The following GALNT13 variants were observed in gnomAD, a reference collection of about 807,000 sequenced individuals.
GALNT13 encodes UDP-GalNAc:polypeptide N-acetylgalactosaminyltransferase 13.
In GALNT13, 28 loss-of-function variants were observed where a neutral mutation model predicts 64.2. The observed-to-expected ratio is 0.44, with a 90% CI of 0.32 to 0.60. The LOEUF (loss-of-function observed/expected upper bound fraction) is 0.60. GALNT13 is among the 20% of genes least tolerant of loss of function. The pLI is 0.05. For missense variants in GALNT13, 577 were observed against 669.8 expected, an observed-to-expected ratio of 0.86 and a Z score of 1.53; for synonymous variants, 214 against 224.6, an observed-to-expected ratio of 0.95 and a Z score of 0.42.
intron 4 of GALNT13, among the ~76,000 whole-genome samples, chr2:154,152,490 T>A (rs1343628573): frequency 1.3e-5 from 2 of 152,196 alleles, no homozygotes. Flanking sequence ...CTTGCTAGAT[T>A]GGGGAAGTTC....
At chr2:153,940,078 T>C (rs1192097863) in intron 2 of GALNT13, among the ~76,000 whole-genome samples, 5 of 150,306 alleles carry the variant, frequency 3.3e-5, no homozygotes, top group African/African-American at 1.2e-4. Flanking sequence ...TTTTTGTTGT[T>C]GTTTTTTTCA....
chr2:153,663,086 C>A, the GALNT13 span, among the ~76,000 whole-genome samples: 2 of 152,118 alleles, frequency 1.3e-5, no homozygotes, highest in Non-Finnish European at 2.9e-5. Flanking sequence ...GAAGAAACTC[C>A]TTTGAAAGCA....
chr2:153,876,232 C>CAT (rs1553449472), intron 1 of GALNT13, among the ~76,000 whole-genome samples: 2 of 151,624 alleles, frequency 1.3e-5, no homozygotes, highest in African/African-American at 2.4e-5. Context: ...CACACACACA[C>CAT]ACATACACAC....
chr2:153,419,088 G>A, the GALNT13 span, among the ~76,000 whole-genome samples: 20 of 152,220 alleles, frequency 1.3e-4, no homozygotes, highest in African/African-American at 4.8e-4. Context: ...CCCGAGACTG[G>A]GTAATTTTTG....
rs370634816 is a variant in GALNT13, at chr2:154,342,917, C to T, written c.1156+41328C>T. 9.9e-5 allele frequency among the ~76,000 whole-genome samples: 15 copies of T among 151,884 alleles called. No homozygotes were observed. In the East Asian group the frequency reaches 2.9e-3, roughly 30 times the overall value. The stretch of plus-strand genomic sequence containing the variant: ...TTTTTTCTTATGGAGCTCACTGTTT[C>T]ATTTGCCTGAGGTAAGCTCACTGTT... On this transcript the variant is annotated intron_variant, in intron 9 of 12. Transcript: ENST00000392825.
At chr2:154,146,369 C>T (rs934977292) in intron 4 of GALNT13, among the ~76,000 whole-genome samples, 1 of 151,928 alleles carries the variant, frequency 6.6e-6, no homozygotes, top group Non-Finnish European at 1.5e-5. Flanking sequence ...TTTATTTACA[C>T]TTGAACTACC....
chr2:153,884,854 TATACACACAC>T (rs1687052420), intron 1 of GALNT13, among the ~76,000 whole-genome samples: 3 of 80,270 alleles, frequency 3.7e-5, no homozygotes, highest in South Asian at 4.4e-4. Context: ...TATATATGTA[TATACACACAC>T]ACACACACAC....
the GALNT13 span, among the ~76,000 whole-genome samples, chr2:153,304,723 T>TA: frequency 1.3e-5 from 2 of 152,138 alleles, no homozygotes; most frequent in East Asian, 3.9e-4. Flanking sequence ...GCTGGGCAAA[T>TA]AAAAAATAAA....
At chr2:153,914,732 G>A (rs1244399464) in intron 2 of GALNT13, among the ~76,000 whole-genome samples, 1 of 151,760 alleles carries the variant, frequency 6.6e-6, no homozygotes, top group African/African-American at 2.4e-5. Flanking sequence ...CCCAACCCCC[G>A]ACAGGCTTCT....
the GALNT13 span, among the ~76,000 whole-genome samples, chr2:153,511,798 C>A: frequency 1.3e-5 from 2 of 152,044 alleles, no homozygotes; most frequent in African/African-American, 4.8e-5. Context: ...TATTGATAAA[C>A]CATGTAATCC....
the GALNT13 span, among the ~76,000 whole-genome samples, chr2:153,253,917 G>A: frequency 6.6e-6 from 1 of 152,156 alleles, no homozygotes; most frequent in Non-Finnish European, 1.5e-5. Context: ...AAGGATATTG[G>A]TCTAAAATTG....
At chr2:153,808,822 C>A in the GALNT13 span, among the ~76,000 whole-genome samples, 7 of 152,194 alleles carry the variant, frequency 4.6e-5, no homozygotes, top group Non-Finnish European at 8.8e-5. Flanking sequence ...TAATCACTGT[C>A]TTGCAGAGGC....
chr2:153,900,360 C>T (rs1688156625), intron 1 of GALNT13, among the ~76,000 whole-genome samples: 1 of 152,094 alleles, frequency 6.6e-6, no homozygotes, highest in African/African-American at 2.4e-5. Context: ...TTCTGAAACA[C>T]AGAGAATGGA....
At chr2:154,029,150 A>G (rs563286726) in intron 3 of GALNT13, among the ~76,000 whole-genome samples, 13 of 150,578 alleles carry the variant, frequency 8.6e-5, no homozygotes, top group South Asian at 6.3e-4. Context: ...CTCAATATCT[A>G]TAATATTTAT....
chr2:153,206,799 G>C, the GALNT13 span, among the ~76,000 whole-genome samples: 2 of 152,012 alleles, frequency 1.3e-5, no homozygotes, highest in Non-Finnish European at 2.9e-5. Context: ...GTGAATTTCT[G>C]TACCTTCTTT....
chr2:154,019,649 C>CACACAT, intron 3 of GALNT13, among the ~76,000 whole-genome samples: 1 of 127,778 alleles, frequency 7.8e-6, no homozygotes, highest in African/African-American at 2.8e-5. Flanking sequence ...CACACACACA[C>CACACAT]ACACAAAAGC....
chr2:153,104,328 A>C, the GALNT13 span, among the ~76,000 whole-genome samples: 704 of 152,312 alleles, frequency 4.6e-3, 6 homozygotes, highest in African/African-American at 0.016. Flanking sequence ...ATAGGTATTA[A>C]TGGGCTCTCC....
chr2:154,169,087 G>T (rs1559001555), intron 4 of GALNT13, among the ~76,000 whole-genome samples: 1 of 151,920 alleles, frequency 6.6e-6, no homozygotes, highest in Non-Finnish European at 1.5e-5. Context: ...GTTCTCTCAG[G>T]AACTGACACT....
the GALNT13 span, among the ~76,000 whole-genome samples, chr2:153,253,277 G>C: frequency 6.8e-6 from 1 of 147,566 alleles, no homozygotes; most frequent in Non-Finnish European, 1.5e-5. Context: ...TTTGTCTGTT[G>C]TTGGTGTATT....
Sources: gnomAD v4.1 joint callset for allele counts (sites outside exome capture counted in the v4.1 genomes callset) on GRCh38, gnomAD v4.1.1 for gene constraint, MANE v1.5 for transcripts, NCBI Gene and HGNC (gene_info 2026-07-23, HGNC 2026-07-21) for gene names.